ADK: variants seen among roughly 807,000 people sequenced by gnomAD.
ADK encodes N6,N6-dimethyladenosine kinase.
ADK carries 24 observed loss-of-function variants against 44.7 expected under a neutral mutation model. The observed-to-expected ratio is 0.54, with a 90% confidence interval of 0.39 to 0.76. The LOEUF (loss-of-function observed/expected upper bound fraction) is 0.76, where lower values mean the gene tolerates loss of function less well. Ranked by LOEUF, ADK falls within the 30% of genes least tolerant of loss-of-function variation. ADK has a pLI of 0.00. For missense variants in ADK, 321 were observed against 425.1 expected (o/e 0.76, Z 2.15); for synonymous variants, 128 against 142.6 (o/e 0.90, Z 0.73).
At chr10:74,217,443 G>A (rs1844095750) in intron 2 of ADK, among the ~76,000 whole-genome samples, 1 of 152,222 alleles carries the variant, frequency 6.6e-6, no homozygotes, top group Non-Finnish European at 1.5e-5. Context: ...TGGGGGCAGG[G>A]CACAGACAAA....
intron 9 of ADK, among the ~76,000 whole-genome samples, chr10:74,615,079 A>T (rs1852700173): frequency 6.6e-6 from 1 of 152,084 alleles, no homozygotes; most frequent in African/African-American, 2.4e-5. Flanking sequence ...TCTGGCTCTC[A>T]TTATCTAAAA....
intron 7 of ADK, among the ~76,000 whole-genome samples, chr10:74,542,015 C>G (rs975952228): frequency 1.3e-5 from 2 of 151,474 alleles, no homozygotes; most frequent in African/African-American, 4.9e-5. Flanking sequence ...CCAAGGAGGA[C>G]AGATCGCTTG....
At chr10:74,536,796 T>A (rs184946597) in intron 7 of ADK, among the ~76,000 whole-genome samples, 1 of 152,342 alleles carries the variant, frequency 6.6e-6, no homozygotes, top group East Asian at 1.9e-4. Context: ...CATAATCTTT[T>A]TAAACTTCAT....
Position 74,458,146 on chromosome 10 carries a change from T to TGGG in ADK, c.555+59571_555+59573dup, listed in dbSNP as rs1319327365. 1.5e-4 allele frequency among the ~76,000 whole-genome samples: 16 copies of TGGG among 106,350 alleles called. 1 individual carries two copies. The highest frequency in any genetic ancestry group is 5.4e-4 in the African/African-American group (14 of 26,058). 69.8% of individuals were successfully genotyped at this position (106,350 alleles called of 152,430 possible). On this transcript the variant is annotated intron_variant, in intron 6 of 10. Transcript: ENST00000539909. ...TTTTTTTTTTTTTTTTTTTTTTTTT[T>TGGG]GGGGGGAGAAGGTCTCACTCTGTTG...
At chr10:74,358,517 TAA>T (rs1228538084) in intron 4 of ADK, among the ~76,000 whole-genome samples, 1 of 152,194 alleles carries the variant, frequency 6.6e-6, no homozygotes, top group East Asian at 1.9e-4. Context: ...AAATCTAGAA[TAA>T]AGTTTATGCA....
intron 4 of ADK, among the ~76,000 whole-genome samples, chr10:74,390,967 T>C (rs989079451): frequency 2.6e-5 from 4 of 152,144 alleles, no homozygotes; most frequent in Non-Finnish European, 4.4e-5. Context: ...CCTTCTTCCC[T>C]TTCCCCATTC....
At chr10:74,457,372 T>C (rs1845993287) in intron 6 of ADK, among the ~76,000 whole-genome samples, 2 of 152,154 alleles carry the variant, frequency 1.3e-5, no homozygotes, top group South Asian at 4.1e-4. Context: ...CAGGACCAGA[T>C]GGATTCACAA....
At chr10:74,250,688 A>G (rs1845619790) in intron 3 of ADK, among the ~76,000 whole-genome samples, 1 of 152,184 alleles carries the variant, frequency 6.6e-6, no homozygotes, top group Non-Finnish European at 1.5e-5. Context: ...CATAATAGAT[A>G]TGAATGAAAT....
chr10:74,698,961 C>G (rs371053885), intron 10 of ADK, among the ~76,000 whole-genome samples: 32 of 151,950 alleles, frequency 2.1e-4, no homozygotes, highest in African/African-American at 7.5e-4. Flanking sequence ...GTCCTTCCAC[C>G]TCAGCCTCCC....
intron 4 of ADK, among the ~76,000 whole-genome samples, chr10:74,334,721 G>A (rs779974281): frequency 7.2e-5 from 11 of 152,052 alleles, no homozygotes; most frequent in Non-Finnish European, 1.5e-4. Context: ...GATTTTTTAG[G>A]TCTGATCATA....
chr10:74,503,824 C>T lies in ADK; in HGVS notation c.556-21432C>T, dbSNP rs539175540. On this transcript the variant is annotated intron_variant, in intron 6 of 10. Transcript: ENST00000539909. ...ATCAGCATTACTGAAGTTGTTCACTCATCCCAGGCACAGGCAATTTTTTAC... is the reference window on the plus strand; with the variant it reads ...ATCAGCATTACTGAAGTTGTTCACTTATCCCAGGCACAGGCAATTTTTTAC... 4.1e-4 allele frequency among the ~76,000 whole-genome samples: 62 copies of T among 152,260 alleles called. No individual in the cohort carries two copies. In the Middle Eastern group the frequency reaches 0.02, roughly 50 times the overall value.
At chr10:74,622,998 A>G (rs1853052303) in intron 9 of ADK, among the ~76,000 whole-genome samples, 1 of 151,962 alleles carries the variant, frequency 6.6e-6, no homozygotes, top group Non-Finnish European at 1.5e-5. Context: ...CAAGAGTGAA[A>G]CTCCGTCTCA....
intron 4 of ADK, among the ~76,000 whole-genome samples, chr10:74,330,667 T>C (rs1841186535): frequency 6.6e-6 from 1 of 152,206 alleles, no homozygotes; most frequent in African/African-American, 2.4e-5. Flanking sequence ...TTCTTGAGGA[T>C]ACGCAGTCAG....
intron 7 of ADK, among the ~76,000 whole-genome samples, chr10:74,564,855 G>T (rs1041050869): frequency 6.6e-6 from 1 of 151,552 alleles, no homozygotes; most frequent in Admixed American, 6.6e-5. Flanking sequence ...AATCGCCCCT[G>T]CCCCACCCCA....
intron 1 of ADK, chr10:74,176,959 C>CA: frequency 1.3e-6 from 2 of 1,589,948 alleles, no homozygotes; most frequent in Non-Finnish European, 1.7e-6. Flanking sequence ...CACTGTCGCT[C>CA]CTTCTCGCGG....
intron 7 of ADK, among the ~76,000 whole-genome samples, chr10:74,537,685 T>TATCTGCAAGGCA (rs1849501775): frequency 6.6e-6 from 1 of 152,208 alleles, no homozygotes; most frequent in Non-Finnish European, 1.5e-5. Flanking sequence ...CTGCAAGGAT[T>TATCTGCAAGGCA]AAGTACACTC....
At chr10:74,190,010 G>A (rs1842905338) in intron 1 of ADK, among the ~76,000 whole-genome samples, 1 of 152,112 alleles carries the variant, frequency 6.6e-6, no homozygotes, top group South Asian at 2.1e-4. Flanking sequence ...AGATATATGG[G>A]TTATTTTCAC....
intron 6 of ADK, among the ~76,000 whole-genome samples, chr10:74,494,957 T>A (rs1847629977): frequency 6.6e-6 from 1 of 152,228 alleles, no homozygotes; most frequent in Non-Finnish European, 1.5e-5. Context: ...ATGGGCTCCA[T>A]GTGGAATTCT....
At chr10:74,266,278 G>A (rs1846209474) in intron 3 of ADK, among the ~76,000 whole-genome samples, 1 of 152,194 alleles carries the variant, frequency 6.6e-6, no homozygotes, top group Non-Finnish European at 1.5e-5. Context: ...TCGAAAGGCG[G>A]CCGGGCACAG....
Sources: allele counts gnomAD v4.1 joint callset (sites outside exome capture counted in the v4.1 genomes callset), GRCh38; gene constraint gnomAD v4.1.1; transcripts MANE v1.5; gene names NCBI Gene and HGNC (gene_info 2026-07-23, HGNC 2026-07-21).